Variants in SAMM50 observed in about 807,000 individuals in gnomAD.
SAMM50 encodes the protein sorting and assembly machinery component 50 homolog.
Under a neutral mutation model 66.9 loss-of-function variants are expected in SAMM50, and 47 were observed. The ratio of observed to expected loss-of-function variants is 0.70; its 90% CI spans 0.56 to 0.90. The LOEUF is 0.90. SAMM50 is among the 40% of genes least tolerant of loss of function. The pLI is 0.00. For missense variants in SAMM50, 535 were observed against 595.3 expected, an observed-to-expected ratio of 0.90 and a Z score of 1.05; for synonymous variants, 191 against 214.1, an observed-to-expected ratio of 0.89 and a Z score of 0.94.
chr22:43,981,859 C>T (rs777308217), intron 11 of SAMM50, among the ~76,000 whole-genome samples: 17 of 152,148 alleles, frequency 1.1e-4, no homozygotes, highest in African/African-American at 3.6e-4. Context: ...TTTAGCCTAC[C>T]GTGTATTTTT....
Position 43,996,404 on chromosome 22 carries a change from G to A in SAMM50, c.*21G>A, listed in dbSNP as rs1404305089. 6.2e-7 allele frequency: 1 copy of A among 1,613,178 alleles called. No homozygotes were observed. The highest frequency in any genetic ancestry group is 1.7e-5 in the Admixed American group (1 of 60,010). On this transcript the variant is annotated 3_prime_UTR_variant, in exon 15 of 15. Transcript: ENST00000350028. ...TGTAGCCGACACCCCTACAGGAGAA[G>A]CTCTGGGACTGGGGCAGCAGCAAGG... is the stretch of plus-strand genomic sequence containing the variant.
At chr22:43,959,018 CTTTTT>C (rs11337908) in intron 1 of SAMM50, among the ~76,000 whole-genome samples, 2 of 112,660 alleles carry the variant, frequency 1.8e-5, no homozygotes, top group Admixed American at 9.3e-5. Context: ...TTTCAGTTTT[CTTTTT>C]TTTTTTTTTT....
chr22:43,971,860 G>A (rs1458603313), intron 4 of SAMM50, among the ~76,000 whole-genome samples: 1 of 152,080 alleles, frequency 6.6e-6, no homozygotes, highest in East Asian at 1.9e-4. Flanking sequence ...ATAGGTGCTC[G>A]CCACCACATC....
At chr22:43,968,241 A>G (rs567726800) in intron 3 of SAMM50, among the ~76,000 whole-genome samples, 23 of 143,688 alleles carry the variant, frequency 1.6e-4, no homozygotes, top group African/African-American at 5.5e-4. Flanking sequence ...AAAAAAAAAA[A>G]AAAAAAGAAA....
chr22:43,971,052 C>G (rs1326144816), intron 4 of SAMM50, among the ~76,000 whole-genome samples: 1 of 152,040 alleles, frequency 6.6e-6, no homozygotes, highest in African/African-American at 2.4e-5. Context: ...CCTGTCATCC[C>G]AGCTACTCGG....
At chr22:43,963,026 T>G (rs995823674) in intron 1 of SAMM50, 2 of 208,720 alleles carry the variant, frequency 9.6e-6, no homozygotes, top group Non-Finnish European at 1.9e-5. Flanking sequence ...GCCACCACAC[T>G]CCCCCTGCCC....
Position 43,981,414 on chromosome 22 carries a change from C to T in SAMM50, c.960C>T (p.Gly320=), listed in dbSNP as rs369226422. Residue 320 remains glycine, a synonymous_variant, in exon 11 of 15, where the codon GGC becomes GGT. Transcript: ENST00000350028. ...AGGTTTTTTCAGCGTCTTTCTGGGG[C>T]GGAATGTTGGTACCCATTGGTGATA... ...FDSVFSASFW[G]GMLVPIGDKP... 6.0e-5 allele frequency: 97 copies of T among 1,613,568 alleles called. 1 individual carries two copies. The highest frequency in any genetic ancestry group is 9.9e-5 in the South Asian group (9 of 91,078).
intron 1 of SAMM50, 189 bp from the exon 2 acceptor site, chr22:43,963,097 C>A: frequency 4.8e-6 from 2 of 417,430 alleles, no homozygotes; most frequent in Non-Finnish European, 4.3e-6. Flanking sequence ...ACCACCAAGC[C>A]AAGAACTTGC....
Position 43,981,418 on chromosome 22 carries a change from A to T in SAMM50, c.964A>T (p.Met322Leu). The change falls in exon 11 of 15, where the codon ATG becomes TTG. Residue 322 changes from methionine (M) to leucine (L), a missense_variant. By Grantham distance (15) the Met-to-Leu change is conservative (BLOSUM62 2). Transcript: ENST00000350028. ...TTTTTCAGCGTCTTTCTGGGGCGGA[A>T]TGTTGGTACCCATTGGTGATAAGCC... ...SVFSASFWGGMLVPIGDKPSS... is the reference protein window; with the variant it reads ...SVFSASFWGGLLVPIGDKPSS... 1.9e-6 allele frequency: 3 copies of T among 1,613,810 alleles called. No individual in the cohort carries two copies. Among genetic ancestry groups the T allele is most frequent in the Non-Finnish European group, 1.7e-6 (2 of 1,179,762 alleles).
intron 1 of SAMM50, among the ~76,000 whole-genome samples, chr22:43,959,465 G>C (rs145046209): frequency 2.2e-3 from 333 of 149,648 alleles, no homozygotes; most frequent in African/African-American, 7.8e-3. Context: ...TCTGCTTAAA[G>C]GTTAAAGGCT....
chr22:43,995,264 A>G (rs917782341), intron 14 of SAMM50: 3 of 152,180 alleles, frequency 2.0e-5, no homozygotes, highest in Non-Finnish European at 4.4e-5. Flanking sequence ...TTCGTGGATC[A>G]GATATTGTGT....
rs527268599 is a variant in SAMM50 at position 43,996,471 on chromosome 22, C to T, written c.*88C>T. ...CGTCTCTCGAGGAAACGCGGTTCAGCGATTCTTTGACTGCGGACCCTGTGG... is the reference window on the plus strand; with the variant it reads ...CGTCTCTCGAGGAAACGCGGTTCAGTGATTCTTTGACTGCGGACCCTGTGG... On this transcript the variant is annotated 3_prime_UTR_variant, in exon 15 of 15. Transcript: ENST00000350028. 16 of 1,274,002 alleles carry T rather than the reference C, an allele frequency of 1.3e-5. No homozygotes were observed. In the South Asian group the frequency reaches 1.7e-4, roughly 13 times the overall value. 78.9% of individuals were successfully genotyped at this position (1,274,002 alleles called of 1,614,324 possible).
In SAMM50 at chr22:43,986,130, C is replaced by T. The variant is rs996645459; in HGVS notation, c.1075+2130C>T. Among the ~76,000 whole-genome samples, 8 of 149,144 alleles carry T rather than the reference C, an allele frequency of 5.4e-5. No individual in the cohort carries two copies. The South Asian group carries it at 6.3e-4, about 12-fold the overall frequency. On this transcript the variant is annotated intron_variant, in intron 12 of 14. Coordinates refer to ENST00000350028, the MANE Select transcript of SAMM50 (RefSeq NM_015380.5). ...CAATCTCAGCTCACTGCAACCTCCA[C>T]CTCCCAGGTTCAAGTGATTCTCCTG... is the stretch of plus-strand genomic sequence containing the variant.
chr22:43,956,895 A>G, intron 1 of SAMM50: 1 of 447,442 alleles, frequency 2.2e-6, no homozygotes, highest in Admixed American at 4.0e-5. Context: ...TCCTATCTGT[A>G]AAATCAATGG....
intron 4 of SAMM50, among the ~76,000 whole-genome samples, chr22:43,969,119 G>T (rs1218694167): frequency 6.6e-6 from 1 of 152,134 alleles, no homozygotes; most frequent in South Asian, 2.1e-4. Flanking sequence ...CTGGATTTTT[G>T]TATGAGGCCG....
At chr22:43,962,394 A>G (rs1160841134) in intron 1 of SAMM50, among the ~76,000 whole-genome samples, 5 of 152,260 alleles carry the variant, frequency 3.3e-5, no homozygotes, top group Non-Finnish European at 7.3e-5. Context: ...AACTATATGT[A>G]GATATATATA....
intron 7 of SAMM50, chr22:43,975,843 C>G: frequency 3.6e-6 from 2 of 549,348 alleles, no homozygotes; most frequent in South Asian, 2.3e-5. Context: ...GCCTTTGATT[C>G]CCTTCACAGC....
At chr22:43,982,412 A>T (rs2050269219) in intron 11 of SAMM50, among the ~76,000 whole-genome samples, 1 of 152,194 alleles carries the variant, frequency 6.6e-6, no homozygotes. Flanking sequence ...ATAAGGAGAT[A>T]TGTGTTCATA....
intron 14 of SAMM50, 76 bp downstream of exon 14, chr22:43,990,482 T>A (rs1018485246): frequency 3.5e-5 from 49 of 1,380,470 alleles, no homozygotes; most frequent in Non-Finnish European, 4.7e-5. Context: ...CGTGGTTAAT[T>A]TCATTAGTGG....
Sources: allele counts gnomAD v4.1 joint callset (sites outside exome capture counted in the v4.1 genomes callset), GRCh38; gene constraint gnomAD v4.1.1; transcripts MANE v1.5; gene names NCBI Gene and HGNC (gene_info 2026-07-23, HGNC 2026-07-21).